The following PCDHGB7 variants were observed in gnomAD, a reference collection of about 807,000 sequenced individuals.
The protein encoded by PCDHGB7 is protocadherin gamma-B7.
In PCDHGB7, 37 loss-of-function variants were observed where a neutral mutation model predicts 61.4. The observed-to-expected ratio is 0.60, with a 90% confidence interval of 0.46 to 0.79. PCDHGB7 has a LOEUF of 0.79. Ranked by LOEUF, PCDHGB7 falls within the 30% of genes least tolerant of loss-of-function variation. PCDHGB7 has a pLI of 0.00. For synonymous variants in PCDHGB7, 464 were observed against 503.5 expected, an observed-to-expected ratio of 0.92 and a Z score of 1.05; for missense variants, 1,166 against 1,202.5, an observed-to-expected ratio of 0.97 and a Z score of 0.45.
chr5:141,430,773 G>A (rs375524585), intron 1 of PCDHGB7: 2 of 1,507,932 alleles, frequency 1.3e-6, no homozygotes, highest in Non-Finnish European at 1.8e-6. Flanking sequence ...ATTCCTGCGC[G>A]ACTGCACCGG....
At position 141,511,345 on chromosome 5, in the gene PCDHGB7, T is replaced by A; in HGVS notation, c.*172T>A. The A allele has an allele frequency of 7.8e-6, 11 of 1,410,508 alleles. No individual in the cohort carries two copies. The highest frequency in any genetic ancestry group is 1.0e-5 in the Non-Finnish European group (11 of 1,060,682). 87.4% of individuals were successfully genotyped at this position (1,410,508 alleles called of 1,614,324 possible). ...AAGTGCCCAGTCAGCACCTACCCCT[T>A]CCCCCCCAGGGGGTTGAATATGCAA... On this transcript the variant is annotated 3_prime_UTR_variant, in exon 4 of 4. Transcript: ENST00000398594.
Position 141,418,872 on chromosome 5 carries a change from T to C in PCDHGB7, c.1013T>C (p.Val338Ala), listed in dbSNP as rs1351483025. 6.8e-6 allele frequency: 11 copies of C among 1,613,996 alleles called. No homozygotes were observed. Among genetic ancestry groups the C allele is most frequent in the East Asian group, 2.2e-5 (1 of 44,878 alleles). Residue 338 changes from valine (V) to alanine (A), a missense_variant, in exon 1 of 4, where the codon GTA (valine) becomes GCA (alanine). Transcript: ENST00000398594. ...STRCKVIVEVVDENDNSPEII... is the reference protein window; with the variant it reads ...STRCKVIVEVADENDNSPEII... ...CGGTGTAAAGTAATTGTAGAAGTTG[T>C]AGACGAAAACGACAACAGCCCAGAA...
chr5:141,454,366 GT>G (rs2098787984), intron 1 of PCDHGB7, among the ~76,000 whole-genome samples: 1 of 152,166 alleles, frequency 6.6e-6, no homozygotes, highest in Admixed American at 6.5e-5. Flanking sequence ...TTAGAAAGGA[GT>G]ATGGCAACTT....
chr5:141,492,919 C>A (rs1019663003), intron 1 of PCDHGB7, among the ~76,000 whole-genome samples: 1 of 152,192 alleles, frequency 6.6e-6, no homozygotes, highest in Non-Finnish European at 1.5e-5. Context: ...ATGTGCCCAG[C>A]GATCTAGGGT....
intron 1 of PCDHGB7, chr5:141,428,630 C>T: frequency 5.4e-6 from 1 of 185,692 alleles, no homozygotes; most frequent in Non-Finnish European, 1.1e-5. Context: ...AGCTCTAACT[C>T]TGTTGCTCCT....
At position 141,489,947 on chromosome 5, in the gene PCDHGB7, A is replaced by G. The variant is rs368977481; in HGVS notation, c.2416-4860A>G. The G allele has an allele frequency of 5.4e-5, 87 of 1,614,090 alleles. No individual in the cohort carries two copies. Among genetic ancestry groups the G allele is most frequent in the South Asian group, 6.6e-5 (6 of 91,094 alleles). ...ATCTCTGTCATCGTGCTGGACATCA[A>G]TGATAATGCTCCAACCTTCCAATCC... On this transcript the variant is annotated intron_variant, in intron 1 of 3. Transcript: ENST00000398594. This position sits in a 1 kb window ranked among gnomAD's most constrained non-coding sequence, Gnocchi z 4.5.
rs146615755 is a variant in PCDHGB7 at position 141,486,022 on chromosome 5, T to C, written c.2416-8785T>C. The C allele has an allele frequency of 1.2e-6, 2 of 1,614,030 alleles. No homozygotes were observed. Among genetic ancestry groups the C allele is most frequent in the Non-Finnish European group, 1.7e-6 (2 of 1,180,036 alleles). Reference sequence around the variant, plus strand: ...GTAACGTCACCTTTTATTTCAGTGGTCATACCCCTGATCGTGTAAGAAACC... The same window carrying C: ...GTAACGTCACCTTTTATTTCAGTGGCCATACCCCTGATCGTGTAAGAAACC... On this transcript the variant is annotated intron_variant, in intron 1 of 3. Coordinates refer to ENST00000398594, the MANE Select transcript of PCDHGB7 (RefSeq NM_018927.4). The surrounding 1 kb of genome is among the most constrained non-coding windows in gnomAD (Gnocchi z 5.0).
chr5:141,471,017 A>G (rs989277146), intron 1 of PCDHGB7, among the ~76,000 whole-genome samples: 3 of 143,850 alleles, frequency 2.1e-5, no homozygotes, highest in African/African-American at 7.8e-5. Context: ...GTGCCTGGTC[A>G]ATCATTTTTA....
intron 3 of PCDHGB7, among the ~76,000 whole-genome samples, chr5:141,506,320 G>A (rs1054880362): frequency 8.6e-5 from 13 of 151,966 alleles, no homozygotes; most frequent in South Asian, 8.3e-4. Flanking sequence ...ATGGTGGTGC[G>A]TGCCTGTAGT....
Position 141,475,863 on chromosome 5 carries a change from C to G in PCDHGB7, c.2416-18944C>G, listed in dbSNP as rs1037784260. On this transcript the variant is annotated intron_variant, in intron 1 of 3. Transcript: ENST00000398594. ...TCAGAGAGCCCGGCGCTAGCTCATT[C>G]TTCGTGCAGTTATTGGCTGGGACTC... is the stretch of plus-strand genomic sequence containing the variant. 1.4e-5 allele frequency: 7 copies of G among 499,790 alleles called. 1 individual carries two copies. The highest frequency in any genetic ancestry group is 1.4e-4 in the African/African-American group (7 of 51,600). The allele number at this position is 499,790 out of a possible 1,614,324, so 31.0% of individuals were successfully genotyped here. A position where few individuals can be genotyped will look rare whatever the true frequency, so the allele number is the denominator to read the frequency against.
In PCDHGB7 at chr5:141,490,175, A is replaced by C; in HGVS notation, c.2416-4632A>C. The C allele has an allele frequency of 1.9e-6, 3 of 1,614,194 alleles. No homozygotes were observed. Among genetic ancestry groups the C allele is most frequent in the East Asian group, 4.5e-5 (2 of 44,884 alleles). On this transcript the variant is annotated intron_variant, in intron 1 of 3. Coordinates refer to ENST00000398594, the MANE Select transcript of PCDHGB7 (RefSeq NM_018927.4). This position sits in a 1 kb window ranked among gnomAD's most constrained non-coding sequence, Gnocchi z 5.4. ...GTGTTGGGTCCCATAGACTTTGAGG[A>C]GTCACGTTTCTATGAAATTCATGCA...
chr5:141,450,119 G>A (rs765403319), intron 1 of PCDHGB7, among the ~76,000 whole-genome samples: 2 of 148,920 alleles, frequency 1.3e-5, no homozygotes, highest in Non-Finnish European at 3.0e-5. Context: ...TGATTCTCCT[G>A]CCTTAGCCTC....
At chr5:141,423,265 G>C in intron 1 of PCDHGB7, 1 of 1,613,666 alleles carries the variant, frequency 6.2e-7, no homozygotes, top group Non-Finnish European at 8.5e-7. Flanking sequence ...CGGCAGCCTC[G>C]AGTCTCTGGC....
intron 1 of PCDHGB7, chr5:141,440,945 A>T (rs1210278728): frequency 2.6e-5 from 4 of 152,234 alleles, no homozygotes; most frequent in African/African-American, 9.7e-5. Flanking sequence ...CCAGGACTAG[A>T]GTGTCAAGGC....
rs558730748 is a variant in PCDHGB7, at chr5:141,469,995, G to A, written c.2416-24812G>A. Reference sequence around the variant, plus strand: ...AAAATACAAAAATTAGCTGGTCGTCGTGGCACGCCTGTAATCCCAGCTACT... The same window carrying A: ...AAAATACAAAAATTAGCTGGTCGTCATGGCACGCCTGTAATCCCAGCTACT... On this transcript the variant is annotated intron_variant, in intron 1 of 3. Coordinates refer to ENST00000398594, the MANE Select transcript of PCDHGB7 (RefSeq NM_018927.4). Among the ~76,000 whole-genome samples, 8 of 152,194 alleles carry A rather than the reference G, an allele frequency of 5.3e-5. No homozygotes were observed. In the East Asian group the frequency reaches 5.8e-4, roughly 11 times the overall value.
At chr5:141,462,043 G>C (rs1310987622) in intron 1 of PCDHGB7, among the ~76,000 whole-genome samples, 1 of 152,100 alleles carries the variant, frequency 6.6e-6, no homozygotes, top group Non-Finnish European at 1.5e-5. Flanking sequence ...GGCGGGTCTT[G>C]AACTCCCGAC....
chr5:141,473,193 A>G (rs938175797), intron 1 of PCDHGB7, among the ~76,000 whole-genome samples: 2 of 152,232 alleles, frequency 1.3e-5, no homozygotes, highest in African/African-American at 4.8e-5. Flanking sequence ...GAGTAAATGT[A>G]TCTTCTAAAA....
chr5:141,468,749 C>G (rs1237051053), intron 1 of PCDHGB7, among the ~76,000 whole-genome samples: 1 of 151,962 alleles, frequency 6.6e-6, no homozygotes, highest in Non-Finnish European at 1.5e-5. Context: ...GCCTGTAGTC[C>G]CAGCTACTCG....
In PCDHGB7 at chr5:141,491,556, C is replaced by T. The variant is rs2099720720; in HGVS notation, c.2416-3251C>T. The T allele has an allele frequency of 1.2e-6, 2 of 1,613,848 alleles. No homozygotes were observed. The highest frequency in any genetic ancestry group is 1.7e-5 in the Admixed American group (1 of 60,000). ...TGCGGCCCACAGACTCGCAGAGCCA[C>T]TGCTACAGGACGTGCTTTTCACCGG... On this transcript the variant is annotated intron_variant, in intron 1 of 3. Transcript: ENST00000398594. The surrounding 1 kb of genome is among the most constrained non-coding windows in gnomAD (Gnocchi z 6.9).
Sources: gnomAD v4.1 joint callset for allele counts (sites outside exome capture counted in the v4.1 genomes callset) on GRCh38, gnomAD v4.1.1 for gene constraint, Gnocchi (gnomAD v3.1) non-coding constraint, MANE v1.5 for transcripts, NCBI Gene and HGNC (gene_info 2026-07-23, HGNC 2026-07-21) for gene names.